The following HIRA variants were observed in gnomAD, a reference collection of about 807,000 sequenced individuals.
The protein encoded by HIRA is histone cell cycle regulator.
HIRA carries 13 observed loss-of-function variants against 126.6 expected under a neutral mutation model. That is an observed-to-expected ratio of 0.10 (90% CI 0.07 to 0.16). The LOEUF is 0.16. HIRA is among the 10% of genes least tolerant of loss of function. The pLI is 1.00. For synonymous variants in HIRA, 511 were observed against 520.0 expected (o/e 0.98, Z 0.24); for missense variants, 834 against 1,314.4 (o/e 0.63, Z 5.65).
In HIRA at chr22:19,405,460, T is replaced by C; in HGVS notation, c.397+326A>G. ...TTCTGGGGAATAAACAAAGTGTGCT[T>C]ACGGACTTAGTGATCCGCTGATGAA... On this transcript the variant is annotated intron_variant, in intron 5 of 24. Transcript: ENST00000263208. 5.1e-6 allele frequency: 5 copies of C among 984,580 alleles called. No individual in the cohort carries two copies. The South Asian group carries it at 1.9e-4, about 37-fold the overall frequency. 61.0% of individuals were successfully genotyped at this position (984,580 alleles called of 1,614,324 possible). A position where few individuals can be genotyped will look rare whatever the true frequency, so the allele number is the denominator to read the frequency against.
intron 1 of HIRA, among the ~76,000 whole-genome samples, chr22:19,412,007 C>T (rs1460738485): frequency 6.6e-6 from 1 of 152,264 alleles, no homozygotes; most frequent in Non-Finnish European, 1.5e-5. Flanking sequence ...ATAAAATACA[C>T]TTTCCTTCTT....
chr22:19,402,074 A>G (rs1394432722), intron 5 of HIRA, among the ~76,000 whole-genome samples: 5 of 151,982 alleles, frequency 3.3e-5, no homozygotes, highest in African/African-American at 1.2e-4. Context: ...TCTTCCCTCA[A>G]ATGTCATCTC....
At chr22:19,362,321 C>T (rs1028403101) in intron 15 of HIRA, among the ~76,000 whole-genome samples, 7 of 152,162 alleles carry the variant, frequency 4.6e-5, no homozygotes, top group African/African-American at 1.7e-4. Flanking sequence ...AAACAAATAA[C>T]AGCCACCATG....
At chr22:19,393,992 T>C (rs989784431) in intron 8 of HIRA, among the ~76,000 whole-genome samples, 1 of 152,172 alleles carries the variant, frequency 6.6e-6, no homozygotes, top group Non-Finnish European at 1.5e-5. Context: ...ATCCATGGCA[T>C]GGCCTTGCAC....
chr22:19,426,858 C>T (rs1213512757), intron 1 of HIRA, among the ~76,000 whole-genome samples: 1 of 152,196 alleles, frequency 6.6e-6, no homozygotes, highest in Non-Finnish European at 1.5e-5. Flanking sequence ...ATTTTCTGAG[C>T]TACCACATGG....
In HIRA at chr22:19,425,229, T is replaced by C. The variant is rs377686831; in HGVS notation, c.37+6211A>G. On this transcript the variant is annotated intron_variant, in intron 1 of 24. Transcript: ENST00000263208. Reference sequence around the variant, plus strand: ...ATTTGCAACACTCCCTTTGTGCTATTTGACAATATGCACAATGTTCACAAT... The same window carrying C: ...ATTTGCAACACTCCCTTTGTGCTATCTGACAATATGCACAATGTTCACAAT... Among the ~76,000 whole-genome samples, 4 of 152,330 alleles carry C rather than the reference T, an allele frequency of 2.6e-5. No individual in the cohort carries two copies. In the East Asian group the frequency reaches 5.8e-4, roughly 22 times the overall value.
At chr22:19,335,832 T>C (rs1334751538) in intron 24 of HIRA, among the ~76,000 whole-genome samples, 1 of 152,206 alleles carries the variant, frequency 6.6e-6, no homozygotes, top group Middle Eastern at 3.2e-3. Flanking sequence ...TACTGCTCCA[T>C]ATAAATTGTT....
At chr22:19,376,858 G>A (rs2089023686) in intron 14 of HIRA, among the ~76,000 whole-genome samples, 1 of 152,222 alleles carries the variant, frequency 6.6e-6, no homozygotes, top group South Asian at 2.1e-4. Flanking sequence ...TCCACCAATG[G>A]AGAATCGCTC....
At chr22:19,334,177 A>G (rs1430553263) in intron 24 of HIRA, among the ~76,000 whole-genome samples, 43 of 151,178 alleles carry the variant, frequency 2.8e-4, no homozygotes, top group South Asian at 8.4e-4. Flanking sequence ...GGGTTCCACC[A>G]TGTTAGCAAG....
At chr22:19,405,317 T>G (rs1205557533) in intron 5 of HIRA, 2 of 198,954 alleles carry the variant, frequency 1.0e-5, no homozygotes, top group African/African-American at 4.7e-5. Context: ...ATGGGCAACC[T>G]TCCCCCTCAG....
chr22:19,377,553 C>T (rs1027918614), intron 14 of HIRA, among the ~76,000 whole-genome samples: 16 of 152,146 alleles, frequency 1.1e-4, no homozygotes, highest in African/African-American at 3.6e-4. Flanking sequence ...AAATGTGAAG[C>T]ACCTCCAGTG....
chr22:19,389,096 A>C (rs2089153776), intron 9 of HIRA, among the ~76,000 whole-genome samples: 1 of 152,180 alleles, frequency 6.6e-6, no homozygotes. Context: ...ACCGACTATT[A>C]ATACTTTGAT....
intron 24 of HIRA, among the ~76,000 whole-genome samples, chr22:19,350,329 G>A (rs970189801): frequency 6.6e-6 from 1 of 152,076 alleles, no homozygotes; most frequent in Admixed American, 6.6e-5. Context: ...GCCAGGGGAG[G>A]TGCCCCATCA....
chr22:19,353,956 C>T (rs1556011726), intron 22 of HIRA, 40 bp downstream of exon 22: 1 of 1,605,840 alleles, frequency 6.2e-7, no homozygotes, highest in East Asian at 2.2e-5. Flanking sequence ...TTCCCCAGGG[C>T]AGGACTAAGG....
intron 2 of HIRA, among the ~76,000 whole-genome samples, chr22:19,409,146 C>T (rs1240401302): frequency 2.0e-5 from 3 of 152,164 alleles, no homozygotes; most frequent in Non-Finnish European, 4.4e-5. Flanking sequence ...GGAAAAATGG[C>T]TCATTATCTT....
intron 15 of HIRA, among the ~76,000 whole-genome samples, chr22:19,370,588 T>C (rs1429692832): frequency 2.0e-5 from 3 of 152,160 alleles, no homozygotes; most frequent in Admixed American, 2.0e-4. Flanking sequence ...CTGGTTTTCA[T>C]TGAGAATCAA....
At chr22:19,393,971 C>G (rs1301239753) in intron 8 of HIRA, among the ~76,000 whole-genome samples, 1 of 152,182 alleles carries the variant, frequency 6.6e-6, no homozygotes, top group Non-Finnish European at 1.5e-5. Context: ...GCAGCAGCTC[C>G]CAACTCAGTG....
chr22:19,408,632 G>A (rs367951505), intron 2 of HIRA, 39 bp from the exon 3 acceptor site: 10 of 1,137,784 alleles, frequency 8.8e-6, no homozygotes, highest in Admixed American at 3.4e-5. Flanking sequence ...TGTGCAAGGA[G>A]TAGAAATTTG....
chr22:19,333,043 G>T (rs28433371), intron 24 of HIRA, among the ~76,000 whole-genome samples: 1 of 151,980 alleles, frequency 6.6e-6, no homozygotes, highest in Admixed American at 6.6e-5. Flanking sequence ...CGAGTAGCTG[G>T]GACTATAGGT....
Sources: allele counts gnomAD v4.1 joint callset (sites outside exome capture counted in the v4.1 genomes callset), GRCh38; gene constraint gnomAD v4.1.1; transcripts MANE v1.5; gene names NCBI Gene and HGNC (gene_info 2026-07-23, HGNC 2026-07-21).